ZNF626: variants seen among roughly 807,000 people sequenced by gnomAD.
ZNF626 encodes zinc finger protein 626.
A neutral mutation model predicts 11.7 loss-of-function variants in ZNF626; 4 were observed. That is an observed-to-expected ratio of 0.34 (90% CI 0.17 to 0.78). ZNF626 has a LOEUF of 0.78. Ranked by LOEUF, ZNF626 falls within the 30% of genes least tolerant of loss-of-function variation. ZNF626 has a pLI of 0.57. For synonymous variants in ZNF626, 179 were observed against 198.6 expected, an observed-to-expected ratio of 0.90 and a Z score of 0.83; for missense variants, 588 against 587.1, an observed-to-expected ratio of 1.00 and a Z score of -0.01.
intron 3 of ZNF626, among the ~76,000 whole-genome samples, chr19:20,626,687 C>T (rs782186311): frequency 2.0e-5 from 3 of 152,140 alleles, no homozygotes; most frequent in African/African-American, 7.2e-5. Flanking sequence ...TGTACCACTG[C>T]ACTTCAGACT....
chr19:20,640,272 T>C (rs1970010095), intron 3 of ZNF626, among the ~76,000 whole-genome samples: 2 of 148,660 alleles, frequency 1.3e-5, no homozygotes, highest in South Asian at 4.2e-4. Context: ...ATTAATTTAA[T>C]TATTAAAAAT....
rs782597392 is a variant in ZNF626, at chr19:20,625,498, T to C, written c.379A>G (p.Lys127Glu). The change falls in exon 4 of 4, where the codon AAA becomes GAA. Residue 127 changes from lysine (K) to glutamate (E), a missense_variant. Physicochemically the swap from Lys to Glu is moderately conservative, Grantham distance 56. Transcript: ENST00000601440. ...CISVDECKVH[K>E]EGYNELNQCL... ...TGGTTAAGTTCATTATAACCTTCTT[T>C]GTGCACCTTACACTCATCCACACTT... is the stretch of plus-strand genomic sequence containing the variant. 5.6e-6 allele frequency: 9 copies of C among 1,614,064 alleles called. No individual in the cohort carries two copies. Among genetic ancestry groups the C allele is most frequent in the Admixed American group, 1.7e-5 (1 of 60,010 alleles).
At position 20,624,954 on chromosome 19, in the gene ZNF626, G is replaced by C; in HGVS notation, c.923C>G (p.Thr308Ser). ...TTCACATTTGTAGGGTTTTTCTCCA[G>C]TATGAATTATCTTATGTGTAGTAAG... is the stretch of plus-strand genomic sequence containing the variant. ...STLTTHKIIH[T>S]GEKPYKCEEC... is the part of the protein sequence containing the mutation. The change falls in exon 4 of 4, where the codon ACT becomes AGT. Residue 308 changes from threonine (T) to serine (S), a missense_variant. Physicochemically the swap from Thr to Ser is moderately conservative, Grantham distance 58. Transcript: ENST00000601440. 2 of 1,613,836 alleles carry C rather than the reference G, an allele frequency of 1.2e-6. No individual in the cohort carries two copies. Among genetic ancestry groups the C allele is most frequent in the South Asian group, 1.1e-5 (1 of 91,062 alleles).
At chr19:20,637,017 T>TAAA (rs1969972818) in intron 3 of ZNF626, among the ~76,000 whole-genome samples, 5 of 28,112 alleles carry the variant, frequency 1.8e-4, no homozygotes, top group South Asian at 1.2e-3. Flanking sequence ...AGACTCCATC[T>TAAA]CAAAAAAAAA....
At position 20,623,421 on chromosome 19, in the gene ZNF626, T is replaced by C. The variant is rs1300887413; in HGVS notation, c.*869A>G. The C allele has an allele frequency of 3.3e-5, 5 of 152,362 alleles. No individual in the cohort carries two copies. The highest frequency in any genetic ancestry group is 1.3e-4 in the Admixed American group (2 of 15,284). 9.4% of individuals were successfully genotyped at this position (152,362 alleles called of 1,614,324 possible). A position where few individuals can be genotyped will look rare whatever the true frequency, so the allele number is the denominator to read the frequency against. ...ATAAATTTTTTATGTATAGAAAGGA[T>C]GGAAGTGTTGAAAAAAGCACTGTCA... On this transcript the variant is annotated 3_prime_UTR_variant, in exon 4 of 4. Coordinates refer to ENST00000601440, the MANE Select transcript of ZNF626 (RefSeq NM_001076675.3).
intron 2 of ZNF626, 77 bp from the exon 3 acceptor site, chr19:20,645,856 G>A: frequency 9.7e-7 from 1 of 1,035,504 alleles, no homozygotes. Flanking sequence ...TCAGCACAGA[G>A]GATGTGATAA....
chr19:20,658,408 G>C (rs1163005301), intron 1 of ZNF626, among the ~76,000 whole-genome samples: 3 of 152,188 alleles, frequency 2.0e-5, no homozygotes, highest in African/African-American at 7.2e-5. Context: ...GTGGTGCCCA[G>C]TACTGGGAGG....
At chr19:20,655,959 T>G (rs899993968) in intron 1 of ZNF626, among the ~76,000 whole-genome samples, 1 of 150,826 alleles carries the variant, frequency 6.6e-6, no homozygotes, top group Non-Finnish European at 1.5e-5. Context: ...AAAGAGGGAA[T>G]AGCAAAATTT....
chr19:20,652,054 T>C (rs551686196), intron 1 of ZNF626, among the ~76,000 whole-genome samples: 3 of 152,340 alleles, frequency 2.0e-5, no homozygotes, highest in Admixed American at 2.0e-4. Flanking sequence ...AAATGGGAGC[T>C]GTAAGCTGTC....
At position 20,625,606 on chromosome 19, in the gene ZNF626, T is replaced by C. The variant is rs200653137; in HGVS notation, c.271A>G (p.Met91Val). ...ACCACTTTTTGGAAAGAATCTTTCA[T>C]GCTCTGCTCTGGCCAAAGGTCTTGG... ...FAQDLWPEQS[M>V]KDSFQKVVLR... Residue 91 changes from methionine (M) to valine (V), a missense_variant, in exon 4 of 4, where the codon ATG becomes GTG. Met to Val is a conservative substitution (Grantham distance 21). Coordinates refer to ENST00000601440, the MANE Select transcript of ZNF626 (RefSeq NM_001076675.3). 7.3e-5 allele frequency: 116 copies of C among 1,588,264 alleles called. No individual in the cohort carries two copies. The Admixed American group carries it at 1.0e-3, about 14-fold the overall frequency.
intron 1 of ZNF626, among the ~76,000 whole-genome samples, chr19:20,657,677 C>A (rs879947805): frequency 1.3e-5 from 2 of 151,990 alleles, no homozygotes; most frequent in African/African-American, 2.4e-5. Flanking sequence ...TGGTGGCATG[C>A]GACTCTAATC....
At chr19:20,647,855 A>C (rs1259339317) in intron 1 of ZNF626, among the ~76,000 whole-genome samples, 10 of 151,954 alleles carry the variant, frequency 6.6e-5, no homozygotes, top group African/African-American at 1.7e-4. Flanking sequence ...TATTCCTCCC[A>C]AAAAAAGTAA....
chr19:20,642,003 C>G (rs1237670394), intron 3 of ZNF626, among the ~76,000 whole-genome samples: 1 of 151,446 alleles, frequency 6.6e-6, no homozygotes, highest in Non-Finnish European at 1.5e-5. Context: ...GTTTCTCTCA[C>G]AAAAGGAAAT....
rs1969807254 is a variant in ZNF626 at position 20,624,979 on chromosome 19, G to A, written c.898C>T (p.Leu300Phe). 2.5e-6 allele frequency: 4 copies of A among 1,613,884 alleles called. No homozygotes were observed. The highest frequency in any genetic ancestry group is 3.4e-6 in the Non-Finnish European group (4 of 1,179,972). Reference sequence around the variant, plus strand: ...GTATGAATTATCTTATGTGTAGTAAGGGTTGAGGACCGGTTGAAGGCTTTG... The same window carrying A: ...GTATGAATTATCTTATGTGTAGTAAAGGTTGAGGACCGGTTGAAGGCTTTG... The part of the protein sequence containing the change: ...CGKAFNRSST[L>F]TTHKIIHTGE... Residue 300 changes from leucine to phenylalanine, a missense_variant, in exon 4 of 4, where the codon CTT becomes TTT. This residue lies in a region of ZNF626 where 524 missense variants were observed against 470.1 expected (regional missense o/e 1.11). Transcript: ENST00000601440.
At chr19:20,633,166 C>T (rs1412010531) in intron 3 of ZNF626, among the ~76,000 whole-genome samples, 4 of 152,102 alleles carry the variant, frequency 2.6e-5, no homozygotes, top group Admixed American at 6.5e-5. Flanking sequence ...AGAGGAGTAC[C>T]CGGCCGTGTC....
intron 1 of ZNF626, among the ~76,000 whole-genome samples, chr19:20,657,360 A>G (rs1276534170): frequency 2.6e-5 from 4 of 152,196 alleles, no homozygotes; most frequent in Admixed American, 2.6e-4. Flanking sequence ...AGCCTGGGCA[A>G]TAAGCCTATC....
intron 3 of ZNF626, among the ~76,000 whole-genome samples, chr19:20,635,230 T>C (rs10854033): frequency 0.3 from 46,066 of 151,990 alleles, 7,848 homozygotes; most frequent in East Asian, 0.47. Flanking sequence ...ATTGGATGAA[T>C]TGGTAGTTGT....
chr19:20,645,439 A>T, intron 3 of ZNF626: 2 of 1,611,836 alleles, frequency 1.2e-6, no homozygotes, highest in Non-Finnish European at 1.7e-6. Context: ...GTGAACTTGA[A>T]GGAAGCTCAC....
At chr19:20,634,694 T>C (rs952799712) in intron 3 of ZNF626, among the ~76,000 whole-genome samples, 2 of 143,740 alleles carry the variant, frequency 1.4e-5, no homozygotes, top group Non-Finnish European at 3.1e-5. Context: ...GTCTATACTG[T>C]TCAATTTAAT....
Sources: allele counts gnomAD v4.1 joint callset (sites outside exome capture counted in the v4.1 genomes callset), GRCh38; gene constraint gnomAD v4.1.1; regional missense constraint gnomAD v4.1.1; transcripts MANE v1.5; gene names NCBI Gene and HGNC (gene_info 2026-07-23, HGNC 2026-07-21).